The following RUNDC3B variants were observed in gnomAD, a reference collection of about 807,000 sequenced individuals.
RUNDC3B encodes RUN domain-containing protein 3B.
Under a neutral mutation model 58.4 loss-of-function variants are expected in RUNDC3B, and 33 were observed. That is an observed-to-expected ratio of 0.56 (90% CI 0.43 to 0.75). RUNDC3B has a LOEUF of 0.75. Ranked by LOEUF, RUNDC3B falls within the 30% of genes least tolerant of loss-of-function variation. The pLI, the probability that RUNDC3B is intolerant of heterozygous loss-of-function variation, is 0.00. For synonymous variants in RUNDC3B, 193 were observed against 195.2 expected, an observed-to-expected ratio of 0.99 and a Z score of 0.10; for missense variants, 501 against 535.7, an observed-to-expected ratio of 0.94 and a Z score of 0.64.
At chr7:87,629,919 T>C (rs1470521377) in intron 1 of RUNDC3B, among the ~76,000 whole-genome samples, 2 of 137,202 alleles carry the variant, frequency 1.5e-5, no homozygotes, top group Admixed American at 1.4e-4. Flanking sequence ...GGAGACTTCG[T>C]CAAAAAAAAA....
intron 9 of RUNDC3B, among the ~76,000 whole-genome samples, chr7:87,810,293 T>C (rs1836643508): frequency 6.6e-6 from 1 of 152,172 alleles, no homozygotes; most frequent in African/African-American, 2.4e-5. Context: ...AGGCAGCTTT[T>C]ATAGGCCAAA....
chr7:87,761,191 G>A (rs995658564), intron 6 of RUNDC3B, among the ~76,000 whole-genome samples: 3 of 151,822 alleles, frequency 2.0e-5, no homozygotes, highest in Admixed American at 2.0e-4. Context: ...TTTCTCCAAG[G>A]AAGATGTACA....
At chr7:87,820,849 T>TA (rs1421791690) in intron 10 of RUNDC3B, among the ~76,000 whole-genome samples, 1 of 151,936 alleles carries the variant, frequency 6.6e-6, no homozygotes, top group Non-Finnish European at 1.5e-5. Context: ...CCCTTCATGC[T>TA]AAAAACTCTC....
chr7:87,665,289 A>G (rs903829878), intron 2 of RUNDC3B, among the ~76,000 whole-genome samples: 1 of 152,154 alleles, frequency 6.6e-6, no homozygotes, highest in Non-Finnish European at 1.5e-5. Flanking sequence ...ATTTTTATAT[A>G]CTAAAAATGA....
chr7:87,628,954 G>T lies in RUNDC3B; in HGVS notation c.122+9G>T, dbSNP rs930887159. 2 of 1,309,038 alleles carry T rather than the reference G, an allele frequency of 1.5e-6. No individual in the cohort carries two copies. Among genetic ancestry groups the T allele is most frequent in the East Asian group, 2.8e-5 (1 of 35,590 alleles). The allele number at this position is 1,309,038 out of a possible 1,614,324, so 81.1% of individuals were successfully genotyped here. ...CTGATCACCGTGTGCAGGTACGGCA[G>T]CGCAGGGCGAGGGGAACCAGCCTCC... On this transcript the variant is annotated intron_variant, in intron 1 of 10. Transcript: ENST00000394654.
intron 4 of RUNDC3B, among the ~76,000 whole-genome samples, chr7:87,717,521 C>T (rs1032837424): frequency 1.3e-5 from 2 of 151,860 alleles, no homozygotes; most frequent in African/African-American, 4.8e-5. Flanking sequence ...AGGAAGTAAC[C>T]ATTGACATGA....
chr7:87,798,440 C>T (rs1249343805), intron 8 of RUNDC3B, among the ~76,000 whole-genome samples: 1 of 152,152 alleles, frequency 6.6e-6, no homozygotes, highest in East Asian at 1.9e-4. Context: ...TATTGTGCTT[C>T]TATCACTTAC....
chr7:87,654,695 A>G (rs1259247714), intron 2 of RUNDC3B, among the ~76,000 whole-genome samples: 1 of 152,112 alleles, frequency 6.6e-6, no homozygotes, highest in Non-Finnish European at 1.5e-5. Flanking sequence ...TGACACCACA[A>G]GCACAGGCAA....
At chr7:87,698,699 C>T (rs1411608907) in intron 2 of RUNDC3B, among the ~76,000 whole-genome samples, 1 of 152,096 alleles carries the variant, frequency 6.6e-6, no homozygotes, top group Non-Finnish European at 1.5e-5. Flanking sequence ...AGCACTGTGT[C>T]AAGTGTTAGA....
chr7:87,657,311 A>G (rs1432118117), intron 2 of RUNDC3B, among the ~76,000 whole-genome samples: 1 of 152,162 alleles, frequency 6.6e-6, no homozygotes, highest in African/African-American at 2.4e-5. Flanking sequence ...AAACCTCTCC[A>G]CAAGATACTA....
chr7:87,736,876 TATA>T (rs1831992226), intron 4 of RUNDC3B, among the ~76,000 whole-genome samples: 1 of 36,932 alleles, frequency 2.7e-5, no homozygotes, highest in African/African-American at 1.2e-4. Context: ...TATATATATA[TATA>T]TATATATATA....
At chr7:87,668,705 C>A (rs1426687777) in intron 2 of RUNDC3B, among the ~76,000 whole-genome samples, 1 of 152,042 alleles carries the variant, frequency 6.6e-6, no homozygotes, top group African/African-American at 2.4e-5. Context: ...CAAAGAACTT[C>A]TTGATTTCTG....
intron 7 of RUNDC3B, among the ~76,000 whole-genome samples, chr7:87,773,254 C>T (rs541686379): frequency 2.2e-4 from 32 of 145,292 alleles, no homozygotes; most frequent in African/African-American, 7.4e-4. Context: ...ACCCGCGAGG[C>T]GGAGCTTGCA....
chr7:87,699,556 C>T (rs2011164), intron 2 of RUNDC3B, among the ~76,000 whole-genome samples: 1 of 152,134 alleles, frequency 6.6e-6, no homozygotes, highest in East Asian at 1.9e-4. Context: ...TGGGCATACA[C>T]CACCATGCCC....
chr7:87,703,944 A>G (rs1829362969), intron 3 of RUNDC3B, among the ~76,000 whole-genome samples: 1 of 25,158 alleles, frequency 4.0e-5, no homozygotes, highest in Admixed American at 6.4e-4. Context: ...TTTTTTTGAG[A>G]CAGTCTAGTT....
At chr7:87,826,753 A>C (rs1449314732) in intron 10 of RUNDC3B, among the ~76,000 whole-genome samples, 1 of 152,214 alleles carries the variant, frequency 6.6e-6, no homozygotes, top group African/African-American at 2.4e-5. Flanking sequence ...GATCTAACCA[A>C]GTACTAAAGA....
At chr7:87,758,949 A>G (rs2130849660) in intron 6 of RUNDC3B, among the ~76,000 whole-genome samples, 1 of 152,264 alleles carries the variant, frequency 6.6e-6, no homozygotes. Flanking sequence ...AAAAAGAACT[A>G]CCATATGATC....
In RUNDC3B at chr7:87,731,612, G is replaced by T. The variant is rs2157927; in HGVS notation, c.459-8179G>T. Among the ~76,000 whole-genome samples the T allele has an allele frequency of 9.8e-3, 1,490 of 152,256 alleles. 112 individuals carry two copies. The East Asian group carries it at 0.19, about 19-fold the overall frequency. On this transcript the variant is annotated intron_variant, in intron 4 of 10. Coordinates refer to ENST00000394654, the MANE Select transcript of RUNDC3B (RefSeq NM_001134405.2). ...CAATGGAACCAAACATAGAAAAAAA[G>T]TTGTCTGTATTTATATCGGACAAAA...
At chr7:87,677,300 C>CACAT (rs1826467825) in intron 2 of RUNDC3B, among the ~76,000 whole-genome samples, 1 of 149,044 alleles carries the variant, frequency 6.7e-6, no homozygotes, top group Admixed American at 6.7e-5. Flanking sequence ...CACACACACA[C>CACAT]ACACACACAC....
Sources: gnomAD v4.1 joint callset for allele counts (sites outside exome capture counted in the v4.1 genomes callset) on GRCh38, gnomAD v4.1.1 for gene constraint, MANE v1.5 for transcripts, NCBI Gene and HGNC (gene_info 2026-07-23, HGNC 2026-07-21) for gene names.